KLHL29: variants seen among roughly 807,000 people sequenced by gnomAD.
The protein encoded by KLHL29 is kelch-like protein 29.
Under a neutral mutation model 80.4 loss-of-function variants are expected in KLHL29, and 21 were observed. That is an observed-to-expected ratio of 0.26 (90% CI 0.19 to 0.38). KLHL29 has a LOEUF of 0.38. KLHL29 is among the 10% of genes least tolerant of loss of function. KLHL29 has a pLI of 1.00. For synonymous variants in KLHL29, 511 were observed against 526.8 expected, an observed-to-expected ratio of 0.97 and a Z score of 0.41; for missense variants, 867 against 1,223.9, an observed-to-expected ratio of 0.71 and a Z score of 4.35.
chr2:23,628,530 T>C (rs1347437800), intron 3 of KLHL29, among the ~76,000 whole-genome samples: 1 of 152,162 alleles, frequency 6.6e-6, no homozygotes, highest in Non-Finnish European at 1.5e-5. Context: ...CTCACACCTG[T>C]AATCCCAGTG....
rs138762526 is a variant in KLHL29 at position 23,648,269 on chromosome 2, C to T, written c.940+5419C>T. ...ATAAAAGGGGGAGAAGACTAGAACC[C>T]ACTTCTTACAGTCATGAGGATTGAG... is the stretch of plus-strand genomic sequence containing the variant. On this transcript the variant is annotated intron_variant, in intron 5 of 13. Coordinates refer to ENST00000486442, the MANE Select transcript of KLHL29 (RefSeq NM_052920.2). 1.2e-4 allele frequency among the ~76,000 whole-genome samples: 18 copies of T among 152,236 alleles called. No individual in the cohort carries two copies. In the East Asian group the frequency reaches 3.3e-3, roughly 28 times the overall value.
chr2:23,654,706 G>GGGC (rs1670191773), intron 5 of KLHL29, among the ~76,000 whole-genome samples: 2 of 52,536 alleles, frequency 3.8e-5, no homozygotes, highest in Admixed American at 1.9e-4. Context: ...TGGGGGGGGG[G>GGGC]GGTGGATGTT....
chr2:23,539,589 G>A lies in KLHL29; in HGVS notation c.-45-22563G>A, dbSNP rs965872126. Among the ~76,000 whole-genome samples the A allele has an allele frequency of 4.0e-5, 6 of 151,898 alleles. No homozygotes were observed. The South Asian group carries it at 8.3e-4, about 21-fold the overall frequency. On this transcript the variant is annotated intron_variant, in intron 2 of 13. Coordinates refer to ENST00000486442, the MANE Select transcript of KLHL29 (RefSeq NM_052920.2). ...TCTGAGTTGCTGGGACTACAGGTGC[G>A]CACCATCACACCAGCTGATTTTTGT...
At position 23,673,629 on chromosome 2, in the gene KLHL29, CACACAT is replaced by C. The variant is rs1430774434; in HGVS notation, c.941-10764_941-10759del. Among the ~76,000 whole-genome samples the C allele has an allele frequency of 2.0e-5, 3 of 151,018 alleles. No individual in the cohort carries two copies. In the East Asian group the frequency reaches 5.9e-4, roughly 30 times the overall value. On this transcript the variant is annotated intron_variant, in intron 5 of 13. Coordinates refer to ENST00000486442, the MANE Select transcript of KLHL29 (RefSeq NM_052920.2). ...CACCCATACCACCTCCTCTCACACA[CACACAT>C]ACACACACACCCCTACACAGACACA...
At chr2:23,679,061 A>C (rs1197543612) in intron 5 of KLHL29, among the ~76,000 whole-genome samples, 1 of 152,176 alleles carries the variant, frequency 6.6e-6, no homozygotes, top group Non-Finnish European at 1.5e-5. Context: ...TAAAAAAAAA[A>C]AAAAAGAATT....
intron 2 of KLHL29, among the ~76,000 whole-genome samples, chr2:23,479,458 G>A (rs1164755393): frequency 6.6e-6 from 1 of 152,016 alleles, no homozygotes; most frequent in Non-Finnish European, 1.5e-5. Context: ...GCTCGTGTGA[G>A]CTGCCGTCCT....
Position 23,571,904 on chromosome 2 carries a change from A to G in KLHL29, c.285+9423A>G, listed in dbSNP as rs369294790. Among the ~76,000 whole-genome samples the G allele has an allele frequency of 5.3e-4, 81 of 152,330 alleles. 1 individual carries two copies. The South Asian group carries it at 0.015, about 29-fold the overall frequency. The stretch of plus-strand genomic sequence containing the variant: ...GCCTCCATTGCACAGACGGCTCCCA[A>G]GCAACAGCCGTGGGTGCCTCCTCTC... On this transcript the variant is annotated intron_variant, in intron 3 of 13. Coordinates refer to ENST00000486442, the MANE Select transcript of KLHL29 (RefSeq NM_052920.2).
At chr2:23,471,892 G>A (rs1365830764) in intron 1 of KLHL29, among the ~76,000 whole-genome samples, 1 of 152,068 alleles carries the variant, frequency 6.6e-6, no homozygotes, top group Non-Finnish European at 1.5e-5. Flanking sequence ...GTGTTAACTT[G>A]GGAACAAAAT....
At chr2:23,641,772 T>C (rs1021156250) in intron 4 of KLHL29, among the ~76,000 whole-genome samples, 2 of 152,054 alleles carry the variant, frequency 1.3e-5, no homozygotes, top group Non-Finnish European at 2.9e-5. Flanking sequence ...TCACCTGAGC[T>C]CAGGAGTTCG....
intron 1 of KLHL29, among the ~76,000 whole-genome samples, chr2:23,461,806 G>A (rs1041734713): frequency 2.6e-5 from 4 of 152,020 alleles, no homozygotes; most frequent in African/African-American, 9.7e-5. Flanking sequence ...TCGTTAGCCA[G>A]CGATGATCCT....
Position 23,693,494 on chromosome 2 carries a change from A to G in KLHL29, c.1508A>G (p.Lys503Arg). ...GAGCTGGTGTACGAGACAGTCATCA[A>G]GTGGATCAAGAAGGACCCCGCGACA... ...AEELVYETVI[K>R]WIKKDPATRT... Residue 503 changes from lysine to arginine, a missense_variant, in exon 8 of 14, where the codon AAG (lysine) becomes AGG (arginine). Transcript: ENST00000486442. 6.4e-7 allele frequency: 1 copy of G among 1,551,544 alleles called. No individual in the cohort carries two copies. Among genetic ancestry groups the G allele is most frequent in the South Asian group, 1.2e-5 (1 of 84,066 alleles).
chr2:23,498,967 G>A (rs1309728970), intron 2 of KLHL29, among the ~76,000 whole-genome samples: 1 of 152,134 alleles, frequency 6.6e-6, no homozygotes, highest in East Asian at 1.9e-4. Context: ...AGACCGAATG[G>A]CTGAACGCTT....
chr2:23,408,675 T>C (rs1260260823), intron 1 of KLHL29, among the ~76,000 whole-genome samples: 6 of 152,238 alleles, frequency 3.9e-5, no homozygotes, highest in African/African-American at 1.4e-4. Flanking sequence ...ATGGAACTCT[T>C]TTTAAGGCCT....
intron 1 of KLHL29, among the ~76,000 whole-genome samples, chr2:23,472,490 C>T (rs1157920431): frequency 6.6e-6 from 1 of 152,104 alleles, no homozygotes; most frequent in Admixed American, 6.5e-5. Context: ...AAAAATTAGC[C>T]GGGCATGGCG....
Position 23,670,917 on chromosome 2 carries a change from G to GCGCGCGCACTCTCTCTCT in KLHL29, c.941-13481_941-13480insGCGCGCACTCTCTCTCTC, listed in dbSNP as rs150131401. 1.2e-3 allele frequency among the ~76,000 whole-genome samples: 23 copies of GCGCGCGCACTCTCTCTCT among 18,568 alleles called. 9 individuals are homozygous for GCGCGCGCACTCTCTCTCT. Among genetic ancestry groups the GCGCGCGCACTCTCTCTCT allele is most frequent in the East Asian group, 3.8e-3 (2 of 528 alleles). The allele number at this position is 18,568 out of a possible 152,430, so 12.2% of individuals were successfully genotyped here. On this transcript the variant is annotated intron_variant, in intron 5 of 13. Coordinates refer to ENST00000486442, the MANE Select transcript of KLHL29 (RefSeq NM_052920.2). ...GAGGGGTCTCTACACACATGCACGC[G>GCGCGCGCACTCTCTCTCT]CTCTCTCTCTCTCTCTCTCTCTCTC...
intron 3 of KLHL29, among the ~76,000 whole-genome samples, chr2:23,612,025 A>G (rs1668884065): frequency 6.6e-6 from 1 of 152,212 alleles, no homozygotes; most frequent in African/African-American, 2.4e-5. Context: ...TAACACACGT[A>G]TAATTGGGAT....
chr2:23,664,051 C>T (rs1019540702), intron 5 of KLHL29, among the ~76,000 whole-genome samples: 4 of 152,134 alleles, frequency 2.6e-5, no homozygotes, highest in South Asian at 4.1e-4. Flanking sequence ...CATCAATATG[C>T]GCTTATGCAT....
chr2:23,397,221 A>T (rs1184148548), intron 1 of KLHL29, among the ~76,000 whole-genome samples: 2 of 152,218 alleles, frequency 1.3e-5, no homozygotes, highest in African/African-American at 4.8e-5. Flanking sequence ...CTCCTGTGGC[A>T]GGGGCTCCAG....
intron 2 of KLHL29, among the ~76,000 whole-genome samples, chr2:23,534,746 G>A (rs1462599870): frequency 1.3e-5 from 2 of 152,182 alleles, no homozygotes; most frequent in Non-Finnish European, 2.9e-5. Flanking sequence ...TGAGGCTCCA[G>A]TGCTTCAAAA....
Sources: allele counts gnomAD v4.1 joint callset (sites outside exome capture counted in the v4.1 genomes callset), GRCh38; gene constraint gnomAD v4.1.1; transcripts MANE v1.5; gene names NCBI Gene and HGNC (gene_info 2026-07-23, HGNC 2026-07-21).